Variants in MSN observed in about 807,000 individuals in gnomAD.
MSN encodes the protein moesin.
Under a neutral mutation model 48.0 loss-of-function variants are expected in MSN, and 2 were observed. The ratio of observed to expected loss-of-function variants is 0.04; its 90% CI spans 0.02 to 0.13. The LOEUF is 0.13. MSN is among the 10% of genes least tolerant of loss of function. MSN has a pLI of 1.00. For missense variants in MSN, 267 were observed against 470.1 expected, an observed-to-expected ratio of 0.57 and a Z score of 3.99; for synonymous variants, 146 against 166.9, an observed-to-expected ratio of 0.87 and a Z score of 0.97.
intron 1 of MSN, among the ~76,000 whole-genome samples, chrX:65,631,734 G>A (rs1408212020): frequency 1.2e-4 from 13 of 111,695 alleles, no homozygotes; most frequent in Admixed American, 3.8e-4. Context: ...GAGTGCAGTC[G>A]CATGATCATG....
intron 1 of MSN, among the ~76,000 whole-genome samples, chrX:65,698,021 T>C (rs1431890349): frequency 9.0e-6 from 1 of 111,625 alleles, no homozygotes; most frequent in Non-Finnish European, 1.9e-5. Context: ...AGGGGAGGTA[T>C]GGTAATGACA....
At chrX:65,646,581 A>G (rs747761307) in intron 1 of MSN, among the ~76,000 whole-genome samples, 22 of 111,905 alleles carry the variant, frequency 2.0e-4, no homozygotes, top group South Asian at 3.7e-4. Flanking sequence ...CTAAAAACAA[A>G]AACCTGATCA....
chrX:65,679,566 G>A lies in MSN; in HGVS notation c.12+11713G>A, dbSNP rs181056296. ...GGTTTCCTTTGGTATTAGTCCTGGA[G>A]ATCAAAGGAGAGGGACTTCTGAATT... On this transcript the variant is annotated intron_variant, in intron 1 of 12. Transcript: ENST00000360270. 3.8e-3 allele frequency among the ~76,000 whole-genome samples: 427 copies of A among 112,199 alleles called. 1 individual carries two copies. The highest frequency in any genetic ancestry group is 6.7e-3 in the Non-Finnish European group (356 of 53,229).
intron 1 of MSN, among the ~76,000 whole-genome samples, chrX:65,659,645 C>T (rs748024315): frequency 1.8e-5 from 2 of 111,467 alleles, no homozygotes; most frequent in African/African-American, 6.5e-5. Context: ...ATGCCCCCGG[C>T]TTCCTTGGAC....
intron 1 of MSN, among the ~76,000 whole-genome samples, chrX:65,609,321 C>A (rs2070301911): frequency 9.1e-6 from 1 of 110,325 alleles, no homozygotes; most frequent in African/African-American, 3.3e-5. Context: ...TCCATGCCTA[C>A]CCTGGGCTCC....
chrX:65,683,861 CT>C (rs1313392390), intron 1 of MSN, among the ~76,000 whole-genome samples: 22 of 111,310 alleles, frequency 2.0e-4, no homozygotes, highest in African/African-American at 5.9e-4. Flanking sequence ...TCTTCTGCCC[CT>C]GACTGTATTC....
At chrX:65,613,206 C>G (rs993747398) in intron 1 of MSN, among the ~76,000 whole-genome samples, 2 of 113,275 alleles carry the variant, frequency 1.8e-5, no homozygotes, top group Admixed American at 1.9e-4. Context: ...GACATGAACT[C>G]ATTCTTTTTT....
Position 65,727,999 on chromosome X carries a change from G to T in MSN, c.192+90G>T, listed in dbSNP as rs763673079. On this transcript the variant is annotated intron_variant, in intron 3 of 12. Transcript: ENST00000360270. ...ACCATGTGCTAGTTGGCAAATCCTG[G>T]ATACCTAGGGCTGTGTTTGTGACTG... 2.7e-4 allele frequency: 218 copies of T among 796,975 alleles called. 1 individual carries two copies. The South Asian group carries it at 3.2e-3, about 12-fold the overall frequency. The allele number at this position is 796,975 out of a possible 1,213,427, so 65.7% of individuals were successfully genotyped here. A position where few individuals can be genotyped will look rare whatever the true frequency, so the allele number is the denominator to read the frequency against.
chrX:65,631,656 A>G (rs1016216992), intron 1 of MSN, among the ~76,000 whole-genome samples: 2 of 110,936 alleles, frequency 1.8e-5, no homozygotes, highest in Admixed American at 9.7e-5. Context: ...ACATTTGGGC[A>G]GTTTCTAGTT....
chrX:65,670,445 C>T (rs2070920434), intron 1 of MSN, among the ~76,000 whole-genome samples: 1 of 111,415 alleles, frequency 9.0e-6, no homozygotes, highest in East Asian at 2.8e-4. Flanking sequence ...AACACGCCAG[C>T]CGGGCGTGGT....
At chrX:65,634,181 G>C (rs747892521) in intron 1 of MSN, among the ~76,000 whole-genome samples, 7 of 112,326 alleles carry the variant, frequency 6.2e-5, no homozygotes, top group Non-Finnish European at 1.1e-4. Flanking sequence ...AGGCCCAGGA[G>C]GGGGGCATGT....
chrX:65,682,930 A>G (rs2071071955), intron 1 of MSN, among the ~76,000 whole-genome samples: 1 of 111,741 alleles, frequency 8.9e-6, no homozygotes, highest in South Asian at 3.8e-4. Context: ...TCTCTTGTGC[A>G]CCTTGGAGAG....
At chrX:65,672,060 A>G (rs1320657821) in intron 1 of MSN, among the ~76,000 whole-genome samples, 1 of 112,049 alleles carries the variant, frequency 8.9e-6, no homozygotes, top group African/African-American at 3.2e-5. Flanking sequence ...GGATGAGATA[A>G]TATGACAGCT....
chrX:65,706,651 A>G (rs2071365266), intron 1 of MSN, among the ~76,000 whole-genome samples: 2 of 112,174 alleles, frequency 1.8e-5, no homozygotes, highest in South Asian at 7.4e-4. Context: ...TGAAGACAAC[A>G]TGACAGGAGA....
At chrX:65,604,195 A>G (rs967873744) in intron 1 of MSN, among the ~76,000 whole-genome samples, 10 of 111,919 alleles carry the variant, frequency 8.9e-5, no homozygotes, top group Admixed American at 4.8e-4. Flanking sequence ...TTAGAAACCA[A>G]TGTCTTAACA....
intron 1 of MSN, among the ~76,000 whole-genome samples, chrX:65,648,191 G>A (rs1569457944): frequency 1.8e-5 from 2 of 111,746 alleles, no homozygotes; most frequent in Non-Finnish European, 3.8e-5. Context: ...TCTCTGGAAG[G>A]GGACAAGTTT....
chrX:65,652,532 T>G (rs982212156), intron 1 of MSN, among the ~76,000 whole-genome samples: 1 of 111,566 alleles, frequency 9.0e-6, no homozygotes, highest in Non-Finnish European at 1.9e-5. Context: ...TGAGCCATGG[T>G]AGGTACTTGA....
At chrX:65,725,523 C>T (rs773954683) in intron 2 of MSN, among the ~76,000 whole-genome samples, 5 of 111,170 alleles carry the variant, frequency 4.5e-5, no homozygotes, top group Admixed American at 2.9e-4. Flanking sequence ...ATGATTAGAA[C>T]TGTTAATTGG....
At chrX:65,666,738 G>A (rs1431244508), upstream of MSN, among the ~76,000 whole-genome samples, 1 of 111,396 alleles carries the variant, frequency 9.0e-6, no homozygotes, top group Non-Finnish European at 1.9e-5. Context: ...TAAGATTACA[G>A]TCATGAGCCA....
Sources: gnomAD v4.1 joint callset for allele counts (sites outside exome capture counted in the v4.1 genomes callset) on GRCh38, gnomAD v4.1.1 for gene constraint, MANE v1.5 for transcripts, NCBI Gene and HGNC (gene_info 2026-07-23, HGNC 2026-07-21) for gene names.